ITPA: variants seen among roughly 807,000 people sequenced by gnomAD.
The protein encoded by ITPA is inosine triphosphate pyrophosphatase.
Under a neutral mutation model 29.6 loss-of-function variants are expected in ITPA, and 29 were observed. The ratio of observed to expected loss-of-function variants is 0.98; its 90% CI spans 0.73 to 1.34. The LOEUF (loss-of-function observed/expected upper bound fraction) is 1.34. ITPA is among the 40% of genes most tolerant of loss of function. ITPA has a pLI of 0.00. For missense variants in ITPA, 241 were observed against 251.5 expected, an observed-to-expected ratio of 0.96 and a Z score of 0.28; for synonymous variants, 103 against 99.3, an observed-to-expected ratio of 1.04 and a Z score of -0.22.
chr20:3,223,867 C>G (rs1310496656), downstream of ITPA: 2 of 179,704 alleles, frequency 1.1e-5, no homozygotes, highest in Non-Finnish European at 2.4e-5. Flanking sequence ...TGAACCCTGC[C>G]CCAGGCAGGT....
At chr20:3,221,007 C>T (rs558277841) in intron 6 of ITPA, among the ~76,000 whole-genome samples, 1 of 152,136 alleles carries the variant, frequency 6.6e-6, no homozygotes, top group African/African-American at 2.4e-5. Context: ...GCAGTCTTCC[C>T]ACCAGGTAGC....
At chr20:3,218,758 T>C (rs1451947922) in intron 6 of ITPA, 126 bp downstream of exon 6, 5 of 726,488 alleles carry the variant, frequency 6.9e-6, no homozygotes, top group Non-Finnish European at 1.2e-5. Flanking sequence ...TATCTGTGCC[T>C]TGCTGAGAGG....
At position 3,215,294 on chromosome 20, in the gene ITPA, G is replaced by C. The variant is rs746043760; in HGVS notation, c.277G>C (p.Glu93Gln). 1.2e-6 allele frequency: 2 copies of C among 1,614,022 alleles called. No individual in the cohort carries two copies. Among genetic ancestry groups the C allele is most frequent in the South Asian group, 2.2e-5 (2 of 91,078 alleles). Residue 93 changes from glutamate (E) to glutamine (Q), a missense_variant, in exon 5 of 8, where the codon GAG becomes CAG. Glu to Gln is a conservative substitution (Grantham distance 29). Transcript: ENST00000380113. ...LPGPYIKWFL[E>Q]KLKPEGLHQL... Reference sequence around the variant, plus strand: ...TTTCTCTTGCAGAAAGTGGTTTCTGGAGAAGTTAAAGCCTGAAGGTATTAT... The same window carrying C: ...TTTCTCTTGCAGAAAGTGGTTTCTGCAGAAGTTAAAGCCTGAAGGTATTAT...
At chr20:3,214,640 C>T (rs997521943) in intron 4 of ITPA, among the ~76,000 whole-genome samples, 7 of 151,448 alleles carry the variant, frequency 4.6e-5, no homozygotes, top group Non-Finnish European at 7.4e-5. Context: ...AGTGCAGTGG[C>T]GCGATCTCCG....
At chr20:3,218,848 C>T in intron 6 of ITPA, 1 of 611,888 alleles carries the variant, frequency 1.6e-6, no homozygotes, top group Admixed American at 2.4e-5. Context: ...AGAGTAGTTG[C>T]CTACGCCTTG....
chr20:3,204,806 A>G (rs1317600505), upstream of ITPA: 2 of 587,550 alleles, frequency 3.4e-6, no homozygotes, highest in East Asian at 2.9e-5. Context: ...GAAACCCACA[A>G]TGTTAAGAGG....
chr20:3,224,879 T>C (rs1170336767), downstream of ITPA, among the ~76,000 whole-genome samples: 1 of 152,210 alleles, frequency 6.6e-6, no homozygotes, highest in Non-Finnish European at 1.5e-5. Flanking sequence ...TCTGGCCATT[T>C]TTTTTACTTT....
chr20:3,204,667 G>A (rs11699145), upstream of ITPA: 180,490 of 1,541,870 alleles, frequency 0.12, 11,554 homozygotes, highest in Non-Finnish European at 0.13. Context: ...TCCACCCTGA[G>A]GCCGGGATCT....
chr20:3,220,776 G>A (rs955919252), intron 6 of ITPA, among the ~76,000 whole-genome samples: 7 of 151,094 alleles, frequency 4.6e-5, no homozygotes, highest in Non-Finnish European at 7.4e-5. Context: ...GACTGGTCTC[G>A]AACTCCTGGG....
In ITPA at chr20:3,213,216, G is replaced by C. The variant is rs2067213142; in HGVS notation, c.114G>C (p.Gln38His). 1.9e-6 allele frequency: 3 copies of C among 1,614,224 alleles called. No individual in the cohort carries two copies. Among genetic ancestry groups the C allele is most frequent in the Non-Finnish European group, 8.5e-7 (1 of 1,180,032 alleles). Residue 38 changes from glutamine (Q) to histidine (H), a missense_variant, in exon 2 of 8, where the codon CAG becomes CAC. By Grantham distance (24) the Gln-to-His change is conservative (BLOSUM62 0). Transcript: ENST00000380113. Reference protein sequence around the residue: ...GDKFPCTLVAQKIDLPEYQGE... With the variant: ...GDKFPCTLVAHKIDLPEYQGE... Reference sequence around the variant, plus strand: ...AGTTTCCATGCACTTTGGTGGCACAGAAAATTGACCGTATGTCTCTGTTTT... The same window carrying C: ...AGTTTCCATGCACTTTGGTGGCACACAAAATTGACCGTATGTCTCTGTTTT...
intron 7 of ITPA, among the ~76,000 whole-genome samples, chr20:3,222,553 T>C (rs182116819): frequency 2.4e-4 from 36 of 152,274 alleles, no homozygotes; most frequent in African/African-American, 7.2e-4. Context: ...CCCATCTAGG[T>C]TGGGAAAATG....
intron 6 of ITPA, among the ~76,000 whole-genome samples, chr20:3,220,011 C>T (rs2067419193): frequency 7.0e-6 from 1 of 143,270 alleles, no homozygotes; most frequent in Non-Finnish European, 1.5e-5. Flanking sequence ...TCCTGCACTC[C>T]AGCCATGGAG....
rs771694985 is a variant in ITPA at position 3,213,209 on chromosome 20, T to A, written c.107T>A (p.Val36Glu). The A allele has an allele frequency of 4.1e-5, 66 of 1,614,080 alleles. 1 individual carries two copies. Among genetic ancestry groups the A allele is most frequent in the Non-Finnish European group, 5.1e-6 (6 of 1,180,038 alleles). Residue 36 changes from valine to glutamate, a missense_variant, in exon 2 of 8, where the codon GTG becomes GAG. Physicochemically the swap from Val to Glu is moderately radical, Grantham distance 121. Transcript: ENST00000380113. ...GGAGATAAGTTTCCATGCACTTTGG[T>A]GGCACAGAAAATTGACCGTATGTCT... ...ILGDKFPCTL[V>E]AQKIDLPEYQ...
At chr20:3,207,879 C>A (rs2067090656), upstream of ITPA, among the ~76,000 whole-genome samples, 1 of 150,640 alleles carries the variant, frequency 6.6e-6, no homozygotes, top group African/African-American at 2.4e-5. Flanking sequence ...CTTGTAGTCC[C>A]AGCTACTCAG....
At chr20:3,212,867 G>T (rs1467449864) in intron 1 of ITPA, among the ~76,000 whole-genome samples, 2 of 152,202 alleles carry the variant, frequency 1.3e-5, no homozygotes, top group East Asian at 3.9e-4. Context: ...TTCTGTTAGA[G>T]AATTCCTGGT....
chr20:3,225,075 G>A (rs1014318019), downstream of ITPA, among the ~76,000 whole-genome samples: 3 of 152,006 alleles, frequency 2.0e-5, no homozygotes, highest in South Asian at 2.1e-4. Context: ...ATGGTGGTGC[G>A]TGCCTGTGGA....
intron 6 of ITPA, among the ~76,000 whole-genome samples, chr20:3,221,311 C>T (rs1177000414): frequency 6.6e-6 from 1 of 151,706 alleles, no homozygotes; most frequent in Non-Finnish European, 1.5e-5. Flanking sequence ...TTCCCTACTA[C>T]AGCCAGTACG....
At chr20:3,212,407 A>G (rs754163651) in intron 1 of ITPA, among the ~76,000 whole-genome samples, 2 of 151,750 alleles carry the variant, frequency 1.3e-5, no homozygotes, top group Non-Finnish European at 2.9e-5. Flanking sequence ...TGTAGCCTCA[A>G]CCTTCTGTGC....
At chr20:3,215,144 G>C in intron 4 of ITPA, 137 bp from the exon 5 acceptor site, 1 of 815,276 alleles carries the variant, frequency 1.2e-6, no homozygotes, top group South Asian at 1.4e-5. Flanking sequence ...TGGGATTATA[G>C]GCGGGACCCA....
Sources: gnomAD v4.1 joint callset for allele counts (sites outside exome capture counted in the v4.1 genomes callset) on GRCh38, gnomAD v4.1.1 for gene constraint, MANE v1.5 for transcripts, NCBI Gene and HGNC (gene_info 2026-07-23, HGNC 2026-07-21) for gene names.